Variants in NEXMIF observed in about 807,000 individuals in gnomAD.
The protein encoded by NEXMIF is XLMR protein related to neurite extension.
Under a neutral mutation model 62.1 loss-of-function variants are expected in NEXMIF, and 8 were observed. The observed-to-expected ratio is 0.13, with a 90% CI of 0.08 to 0.23. NEXMIF has a LOEUF of 0.23. Ranked by LOEUF, NEXMIF falls within the 10% of genes least tolerant of loss-of-function variation. The pLI is 1.00. For synonymous variants in NEXMIF, 404 were observed against 416.6 expected (o/e 0.97, Z 0.37); for missense variants, 976 against 1,113.3 (o/e 0.88, Z 1.75).
intron 1 of NEXMIF, among the ~76,000 whole-genome samples, chrX:74,884,190 C>T (rs1274121417): frequency 2.7e-5 from 3 of 112,061 alleles, no homozygotes; most frequent in African/African-American, 9.7e-5. Context: ...ACTGCAAACA[C>T]ATGCCAAATT....
chrX:74,816,453 C>A (rs1449153304), intron 1 of NEXMIF, among the ~76,000 whole-genome samples: 1 of 111,412 alleles, frequency 9.0e-6, no homozygotes, highest in African/African-American at 3.3e-5. Context: ...AAAATATTGG[C>A]TTTTGTAGTT....
chrX:74,780,573 C>T (rs951648168), intron 1 of NEXMIF, among the ~76,000 whole-genome samples: 7 of 107,078 alleles, frequency 6.5e-5, no homozygotes, highest in African/African-American at 1.4e-4. Context: ...GATGGGGTTT[C>T]GCTATGTTGC....
chrX:74,860,832 T>C (rs183868100), intron 1 of NEXMIF, among the ~76,000 whole-genome samples: 140 of 111,382 alleles, frequency 1.3e-3, no homozygotes, highest in Non-Finnish European at 2.2e-3. Context: ...TAATGATGCA[T>C]CTTAATGAAC....
intron 1 of NEXMIF, among the ~76,000 whole-genome samples, chrX:74,840,072 A>G (rs185703621): frequency 1.8e-5 from 2 of 111,871 alleles, no homozygotes; most frequent in East Asian, 2.8e-4. Flanking sequence ...CCTCGCCAAC[A>G]TCCAGTATTT....
intron 1 of NEXMIF, among the ~76,000 whole-genome samples, chrX:74,855,078 T>C (rs991485720): frequency 8.9e-6 from 1 of 111,989 alleles, no homozygotes; most frequent in East Asian, 2.8e-4. Flanking sequence ...CTAAAATTTA[T>C]ATGGAACTCA....
At chrX:74,773,626 G>A (rs2080217948) in intron 1 of NEXMIF, among the ~76,000 whole-genome samples, 1 of 110,513 alleles carries the variant, frequency 9.0e-6, no homozygotes, top group African/African-American at 3.3e-5. Context: ...GAAAAGTAAT[G>A]GTCAGGTGCG....
chrX:74,917,057 AC>A (rs201477898), intron 1 of NEXMIF, among the ~76,000 whole-genome samples: 1,365 of 111,884 alleles, frequency 0.012, 21 homozygotes, highest in African/African-American at 0.041. Flanking sequence ...CAAGCAATAA[AC>A]ATTTATTCAT....
intron 1 of NEXMIF, among the ~76,000 whole-genome samples, chrX:74,817,520 C>A (rs1456256719): frequency 8.9e-6 from 1 of 112,131 alleles, no homozygotes; most frequent in Admixed American, 9.5e-5. Context: ...AAGTTGCATT[C>A]GATGTTAAAG....
rs770806379 is a variant in NEXMIF at position 74,850,969 on chromosome X, A to T, written c.-48+73914T>A. Among the ~76,000 whole-genome samples, 152 of 111,150 alleles carry T rather than the reference A, an allele frequency of 1.4e-3. 2 individuals are homozygous for T. The highest frequency in any genetic ancestry group is 1.7e-3 in the Non-Finnish European group (89 of 53,056). ...AGAACCTCATAAACAGCACAAAAAA[A>T]TCAGAAAAACAATTCAGTATATTAA... is the stretch of plus-strand genomic sequence containing the variant. On this transcript the variant is annotated intron_variant, in intron 1 of 3. Coordinates refer to ENST00000055682, the MANE Select transcript of NEXMIF (RefSeq NM_001008537.3).
At chrX:74,770,188 C>A (rs1257732138) in intron 1 of NEXMIF, among the ~76,000 whole-genome samples, 2 of 112,038 alleles carry the variant, frequency 1.8e-5, no homozygotes, top group Non-Finnish European at 1.9e-5. Context: ...TCATTTGAAT[C>A]TTGTACTTGA....
At chrX:74,785,569 C>T (rs181188986) in intron 1 of NEXMIF, among the ~76,000 whole-genome samples, 74 of 111,961 alleles carry the variant, frequency 6.6e-4, no homozygotes, top group Non-Finnish European at 1.1e-3. Context: ...AAGGGCTCTA[C>T]TGAAACTCTA....
chrX:74,896,567 GCT>G (rs1328614062), intron 1 of NEXMIF, among the ~76,000 whole-genome samples: 1 of 111,957 alleles, frequency 8.9e-6, no homozygotes, highest in Non-Finnish European at 1.9e-5. Flanking sequence ...AAGTTTTCTA[GCT>G]CTTTCTTTTC....
At chrX:74,913,341 G>A (rs1320652415) in intron 1 of NEXMIF, among the ~76,000 whole-genome samples, 1 of 111,735 alleles carries the variant, frequency 8.9e-6, no homozygotes, top group Non-Finnish European at 1.9e-5. Context: ...TATAATGATA[G>A]AAACTATCTA....
At chrX:74,818,913 A>G (rs1214500386) in intron 1 of NEXMIF, among the ~76,000 whole-genome samples, 2 of 112,006 alleles carry the variant, frequency 1.8e-5, no homozygotes, top group East Asian at 5.6e-4. Context: ...ATACCCTCTC[A>G]GACCAGTCAG....
intron 1 of NEXMIF, among the ~76,000 whole-genome samples, chrX:74,795,013 T>G (rs2080301748): frequency 8.9e-6 from 1 of 111,937 alleles, no homozygotes; most frequent in Non-Finnish European, 1.9e-5. Flanking sequence ...CCCATTGATA[T>G]TCTATTTTCC....
intron 1 of NEXMIF, among the ~76,000 whole-genome samples, chrX:74,850,606 C>G (rs1307213630): frequency 8.9e-6 from 1 of 112,005 alleles, no homozygotes; most frequent in African/African-American, 3.3e-5. Flanking sequence ...ACAAACACTA[C>G]TGAAGCTGTT....
chrX:74,848,343 T>C (rs2080500302), intron 1 of NEXMIF, among the ~76,000 whole-genome samples: 1 of 112,550 alleles, frequency 8.9e-6, no homozygotes. Flanking sequence ...ACACCATGGA[T>C]TTAAAACACA....
At chrX:74,790,224 A>G (rs2080275545) in intron 1 of NEXMIF, among the ~76,000 whole-genome samples, 1 of 103,391 alleles carries the variant, frequency 9.7e-6, no homozygotes, top group South Asian at 4.2e-4. Flanking sequence ...ACCATTTATT[A>G]AATAGGGAAT....
rs1237980320 is a variant in NEXMIF, at chrX:74,737,154, T to C, written c.*2251A>G. 1 of 111,942 alleles carries C rather than the reference T, an allele frequency of 8.9e-6. No homozygotes were observed. Among genetic ancestry groups the C allele is most frequent in the East Asian group, 2.8e-4 (1 of 3,576 alleles). The allele number at this position is 111,942 out of a possible 1,213,427, so 9.2% of individuals were successfully genotyped here. Reference sequence around the variant, plus strand: ...TTACATAGAAAGCACTCCACTCCTCTAAGCCAGCAGGTGACTCTGAGGTCT... The same window carrying C: ...TTACATAGAAAGCACTCCACTCCTCCAAGCCAGCAGGTGACTCTGAGGTCT... On this transcript the variant is annotated 3_prime_UTR_variant, in exon 4 of 4. Coordinates refer to ENST00000055682, the MANE Select transcript of NEXMIF (RefSeq NM_001008537.3).
Sources: allele counts gnomAD v4.1 joint callset (sites outside exome capture counted in the v4.1 genomes callset), GRCh38; gene constraint gnomAD v4.1.1; transcripts MANE v1.5; gene names NCBI Gene and HGNC (gene_info 2026-07-23, HGNC 2026-07-21).